The following CSNK2A2IP variants were observed in gnomAD, a reference collection of about 807,000 sequenced individuals.
CSNK2A2IP encodes casein kinase 2 subunit alpha' interacting protein.
At chr3:88,415,860 G>A in the CSNK2A2IP span, among the ~76,000 whole-genome samples, 3 of 151,988 alleles carry the variant, frequency 2.0e-5, no homozygotes, top group Non-Finnish European at 4.4e-5. Flanking sequence ...ACCTCTGAGA[G>A]TATAACATTT....
the CSNK2A2IP span, among the ~76,000 whole-genome samples, chr3:88,418,463 T>TGCGCGCGCGCGCGCGCGCGCGCGCGC: frequency 2.7e-5 from 4 of 149,534 alleles, no homozygotes; most frequent in African/African-American, 9.9e-5. Context: ...TGTGTGTGTG[T>TGCGCGCGCGCGCGCGCGCGCGCGCGC]GCGCGCGGGC....
At chr3:88,377,058 C>T in the CSNK2A2IP span, among the ~76,000 whole-genome samples, 1 of 151,836 alleles carries the variant, frequency 6.6e-6, no homozygotes, top group African/African-American at 2.4e-5. Flanking sequence ...CTCCACCCTC[C>T]TTCCAATGGC....
the CSNK2A2IP span, among the ~76,000 whole-genome samples, chr3:88,410,153 T>C: frequency 6.6e-6 from 1 of 151,970 alleles, no homozygotes; most frequent in Non-Finnish European, 1.5e-5. Context: ...TACAGGAAAA[T>C]GTGGCTCACT....
At chr3:88,388,369 T>G in the CSNK2A2IP span, among the ~76,000 whole-genome samples, 1 of 152,360 alleles carries the variant, frequency 6.6e-6, no homozygotes, top group Non-Finnish European at 1.5e-5. Flanking sequence ...TATTTCCAGT[T>G]TCTGCACATA....
the CSNK2A2IP span, chr3:88,465,428 A>G: frequency 8.1e-7 from 1 of 1,231,686 alleles, no homozygotes; most frequent in Non-Finnish European, 1.0e-6. Flanking sequence ...TCCTCAGCCA[A>G]TACATTAACA....
At chr3:88,466,901 T>C in the CSNK2A2IP span, 2 of 1,229,106 alleles carry the variant, frequency 1.6e-6, no homozygotes, top group Non-Finnish European at 2.0e-6. Flanking sequence ...GAGGGCAAAA[T>C]AGAAGTGAAA....
At chr3:88,366,298 A>G in the CSNK2A2IP span, among the ~76,000 whole-genome samples, 2 of 152,170 alleles carry the variant, frequency 1.3e-5, no homozygotes, top group African/African-American at 2.4e-5. Context: ...CAGTTTAGGC[A>G]GTTTGTACAA....
chr3:88,467,544 A>T, the CSNK2A2IP span: 3 of 398,342 alleles, frequency 7.5e-6, no homozygotes, highest in Middle Eastern at 6.2e-4. Context: ...CACTGTTCAA[A>T]TTTTTCCGGA....
chr3:88,356,008 T>C, the CSNK2A2IP span, among the ~76,000 whole-genome samples: 1 of 152,152 alleles, frequency 6.6e-6, no homozygotes, highest in Non-Finnish European at 1.5e-5. Context: ...TGTGATATTT[T>C]GATGCAAGTG....
chr3:88,449,874 T>TATATATAGAGAGAGAGAGAGAGAGAGAG, the CSNK2A2IP span, among the ~76,000 whole-genome samples: 1 of 70,044 alleles, frequency 1.4e-5, no homozygotes, highest in Non-Finnish European at 3.2e-5. Context: ...TATATATATA[T>TATATATAGAGAGAGAGAGAGAGAGAGAG]AGAGAGAGAG....
chr3:88,432,151 A>C, the CSNK2A2IP span, among the ~76,000 whole-genome samples: 1 of 151,924 alleles, frequency 6.6e-6, no homozygotes, highest in East Asian at 1.9e-4. Context: ...GAAAAATTGA[A>C]CTATGCTCAT....
At chr3:88,453,315 G>T in the CSNK2A2IP span, among the ~76,000 whole-genome samples, 2 of 152,060 alleles carry the variant, frequency 1.3e-5, no homozygotes, top group Non-Finnish European at 2.9e-5. Context: ...TGAGAGTTTG[G>T]CAGGCAGGGG....
At chr3:88,369,915 A>G in the CSNK2A2IP span, among the ~76,000 whole-genome samples, 1 of 151,930 alleles carries the variant, frequency 6.6e-6, no homozygotes, top group Non-Finnish European at 1.5e-5. Context: ...ATCTGAGCGT[A>G]AACTCAGATT....
At chr3:88,355,052 C>T in the CSNK2A2IP span, among the ~76,000 whole-genome samples, 1 of 152,128 alleles carries the variant, frequency 6.6e-6, no homozygotes, top group South Asian at 2.1e-4. Context: ...AGGGCATGAT[C>T]AACCCTGTGA....
chr3:88,377,739 G>A, the CSNK2A2IP span, among the ~76,000 whole-genome samples: 2 of 151,816 alleles, frequency 1.3e-5, no homozygotes, highest in Non-Finnish European at 2.9e-5. Flanking sequence ...AATAAAAAAG[G>A]TGTGTAAGTA....
the CSNK2A2IP span, among the ~76,000 whole-genome samples, chr3:88,340,982 G>A: frequency 3.3e-5 from 5 of 151,866 alleles, no homozygotes; most frequent in Middle Eastern, 3.4e-3. Flanking sequence ...GTCAAATTTT[G>A]TTAGTCTTTT....
the CSNK2A2IP span, among the ~76,000 whole-genome samples, chr3:88,364,821 T>A: frequency 3.3e-5 from 5 of 152,196 alleles, no homozygotes; most frequent in African/African-American, 1.2e-4. Context: ...GATTTTAGAC[T>A]GGATATGGAA....
At chr3:88,459,987 A>G in the CSNK2A2IP span, among the ~76,000 whole-genome samples, 2 of 152,220 alleles carry the variant, frequency 1.3e-5, no homozygotes, top group African/African-American at 2.4e-5. Flanking sequence ...TAAACTTTGA[A>G]CTATTTTTAT....
the CSNK2A2IP span, among the ~76,000 whole-genome samples, chr3:88,391,701 A>G: frequency 6.6e-6 from 1 of 152,204 alleles, no homozygotes; most frequent in African/African-American, 2.4e-5. Context: ...TGTTTGAGAA[A>G]CTAATAAACT....
Sources: gnomAD v4.1 joint callset for allele counts (sites outside exome capture counted in the v4.1 genomes callset) on GRCh38, gnomAD v4.1.1 for gene constraint, MANE v1.5 for transcripts, NCBI Gene and HGNC (gene_info 2026-07-23, HGNC 2026-07-21) for gene names.